The following NOS1AP variants were observed in gnomAD, a reference collection of about 807,000 sequenced individuals.
NOS1AP encodes the protein nitric oxide synthase 1 adaptor protein, also known as carboxyl-terminal PDZ ligand of neuronal nitric oxide synthase protein.
NOS1AP carries 21 observed loss-of-function variants against 56.2 expected under a neutral mutation model. That is an observed-to-expected ratio of 0.37 (90% CI 0.26 to 0.54). The LOEUF is 0.54. Among genes scored for constraint, NOS1AP ranks in the 20% least tolerant of loss-of-function variants. The pLI, the probability that NOS1AP is intolerant of heterozygous loss-of-function variation, is 0.84. For missense variants in NOS1AP, 522 were observed against 657.8 expected (o/e 0.79, Z 2.26); for synonymous variants, 270 against 274.6 (o/e 0.98, Z 0.17).
chr1:162,168,295 C>T (rs1650601587), intron 2 of NOS1AP, among the ~76,000 whole-genome samples: 1 of 152,208 alleles, frequency 6.6e-6, no homozygotes, highest in Admixed American at 6.5e-5. Flanking sequence ...CAGAGTACTG[C>T]TGTGACCTCT....
chr1:162,331,044 C>A (rs1448345307), intron 4 of NOS1AP, among the ~76,000 whole-genome samples: 2 of 152,098 alleles, frequency 1.3e-5, no homozygotes, highest in Non-Finnish European at 2.9e-5. Context: ...ATTTGAGAAG[C>A]TTGAGAACCA....
intron 2 of NOS1AP, among the ~76,000 whole-genome samples, chr1:162,216,577 GT>G (rs1314936650): frequency 6.6e-6 from 1 of 152,258 alleles, no homozygotes; most frequent in Admixed American, 6.5e-5. Context: ...CTATGCTTTG[GT>G]TTATTCATCT....
chr1:162,231,670 A>G (rs1037892310), intron 2 of NOS1AP, among the ~76,000 whole-genome samples: 1 of 152,190 alleles, frequency 6.6e-6, no homozygotes, highest in Admixed American at 6.5e-5. Flanking sequence ...CTCAGTAGCT[A>G]TATATGACCA....
intron 6 of NOS1AP, among the ~76,000 whole-genome samples, chr1:162,349,438 T>C (rs1657418047): frequency 1.3e-5 from 2 of 151,726 alleles, no homozygotes; most frequent in Admixed American, 1.3e-4. Flanking sequence ...GGAGAGAGAG[T>C]TGGAGCCATG....
At chr1:162,089,499 C>G (rs779284705) in intron 1 of NOS1AP, among the ~76,000 whole-genome samples, 1 of 152,202 alleles carries the variant, frequency 6.6e-6, no homozygotes, top group Non-Finnish European at 1.5e-5. Context: ...TTGTGATACT[C>G]TGAGTAATGG....
At chr1:162,178,510 C>G (rs1347654340) in intron 2 of NOS1AP, among the ~76,000 whole-genome samples, 1 of 152,078 alleles carries the variant, frequency 6.6e-6, no homozygotes, top group Non-Finnish European at 1.5e-5. Flanking sequence ...TTTTAGCAAC[C>G]CTATGAAGTA....
At chr1:162,231,040 A>G (rs1274393278) in intron 2 of NOS1AP, among the ~76,000 whole-genome samples, 4 of 152,058 alleles carry the variant, frequency 2.6e-5, no homozygotes, top group Non-Finnish European at 5.9e-5. Context: ...TAGTAATTCT[A>G]TTTTCAATTT....
intron 6 of NOS1AP, among the ~76,000 whole-genome samples, chr1:162,352,464 T>G (rs1363776488): frequency 1.3e-5 from 2 of 152,072 alleles, no homozygotes; most frequent in African/African-American, 2.4e-5. Flanking sequence ...CTAAAGTTTA[T>G]CTTTAGGCCA....
intron 3 of NOS1AP, among the ~76,000 whole-genome samples, chr1:162,297,823 A>G (rs1312388428): frequency 6.6e-6 from 1 of 152,230 alleles, no homozygotes; most frequent in Non-Finnish European, 1.5e-5. Context: ...GACATTTTAT[A>G]TAAAATCAAC....
chr1:162,248,843 G>A (rs995187844), intron 2 of NOS1AP, among the ~76,000 whole-genome samples: 7 of 152,002 alleles, frequency 4.6e-5, no homozygotes, highest in African/African-American at 1.7e-4. Context: ...AGTCTTCGGG[G>A]ACCCATCTCA....
chr1:162,153,969 T>C (rs1649823447), intron 1 of NOS1AP, among the ~76,000 whole-genome samples: 1 of 147,210 alleles, frequency 6.8e-6, no homozygotes, highest in Non-Finnish European at 1.5e-5. Flanking sequence ...AGGTATATAT[T>C]CTTTTTTTTT....
intron 2 of NOS1AP, among the ~76,000 whole-genome samples, chr1:162,213,074 A>T (rs1181282439): frequency 6.6e-6 from 1 of 152,130 alleles, no homozygotes. Flanking sequence ...GGGTGTCTCT[A>T]GGGGATCAGG....
At chr1:162,155,302 ATG>A (rs1649910288) in intron 2 of NOS1AP, among the ~76,000 whole-genome samples, 1 of 145,888 alleles carries the variant, frequency 6.9e-6, no homozygotes, top group African/African-American at 2.5e-5. Flanking sequence ...ATATATGTAT[ATG>A]TATGTGTATA....
chr1:162,172,643 C>T (rs1478645677), intron 2 of NOS1AP, among the ~76,000 whole-genome samples: 1 of 152,134 alleles, frequency 6.6e-6, no homozygotes, highest in Non-Finnish European at 1.5e-5. Flanking sequence ...TTTCTGTGAC[C>T]CAGCCAACTC....
intron 2 of NOS1AP, among the ~76,000 whole-genome samples, chr1:162,180,349 G>T (rs570706821): frequency 6.6e-6 from 1 of 152,052 alleles, no homozygotes; most frequent in Non-Finnish European, 1.5e-5. Context: ...GGTTCACGCC[G>T]TTCTTCTGCC....
At chr1:162,244,624 G>A (rs1327067577) in intron 2 of NOS1AP, among the ~76,000 whole-genome samples, 1 of 152,064 alleles carries the variant, frequency 6.6e-6, no homozygotes, top group Admixed American at 6.5e-5. Context: ...ATACTATATT[G>A]CTTTATCTAA....
chr1:162,128,329 A>G (rs931319746), intron 1 of NOS1AP, among the ~76,000 whole-genome samples: 2 of 152,114 alleles, frequency 1.3e-5, no homozygotes, highest in Admixed American at 1.3e-4. Flanking sequence ...TTCTGTATGC[A>G]CTTGGGTTTT....
chr1:162,324,564 A>G (rs184195645), intron 4 of NOS1AP, among the ~76,000 whole-genome samples: 230 of 152,124 alleles, frequency 1.5e-3, no homozygotes, highest in Non-Finnish European at 2.2e-3. Context: ...TTAGTGGGAC[A>G]TAAGAAAAAA....
intron 9 of NOS1AP, among the ~76,000 whole-genome samples, chr1:162,366,333 A>G (rs1658085695): frequency 6.6e-6 from 1 of 152,214 alleles, no homozygotes; most frequent in Admixed American, 6.5e-5. Context: ...TAATCCCTGT[A>G]GTTCTGCTGC....
Sources: allele counts gnomAD v4.1 joint callset (sites outside exome capture counted in the v4.1 genomes callset), GRCh38; gene constraint gnomAD v4.1.1; transcripts MANE v1.5; gene names NCBI Gene and HGNC (gene_info 2026-07-23, HGNC 2026-07-21).